CYSLTR2: variants seen among roughly 807,000 people sequenced by gnomAD.
CYSLTR2 encodes the protein cysteinyl leukotriene receptor 2.
For missense variants in CYSLTR2, 398 were observed against 411.9 expected, an observed-to-expected ratio of 0.97 and a Z score of 0.29; for synonymous variants, 179 against 160.8, an observed-to-expected ratio of 1.11 and a Z score of -0.86.
chr13:48,655,317 A>G (rs1952973593), intron 1 of CYSLTR2, among the ~76,000 whole-genome samples: 1 of 152,212 alleles, frequency 6.6e-6, no homozygotes, highest in African/African-American at 2.4e-5. Flanking sequence ...GTTCACTAAC[A>G]CACTGTGGGC....
Position 48,711,047 on chromosome 13 carries a change from T to C in CYSLTR2, c.*3189T>C, listed in dbSNP as rs1315197887. The C allele has an allele frequency of 6.6e-6, 1 of 151,906 alleles. No homozygotes were observed. The highest frequency in any genetic ancestry group is 1.5e-5 in the Non-Finnish European group (1 of 67,992). The allele number at this position is 151,906 out of a possible 1,614,324, so 9.4% of individuals were successfully genotyped here. A position where few individuals can be genotyped will look rare whatever the true frequency, so the allele number is the denominator to read the frequency against. On this transcript the variant is annotated 3_prime_UTR_variant, in exon 5 of 5. Coordinates refer to ENST00000682523, the MANE Select transcript of CYSLTR2 (RefSeq NM_001308476.3). ...GCTGTACAACCATATTATTTAGCAA[T>C]AGGAGGTAAATACAGGTAGAAGCAG...
chr13:48,701,206 G>A (rs1373169028), intron 4 of CYSLTR2, among the ~76,000 whole-genome samples: 1 of 152,196 alleles, frequency 6.6e-6, no homozygotes, highest in Non-Finnish European at 1.5e-5. Flanking sequence ...CAAGGCTGGA[G>A]GCATCATGCT....
intron 4 of CYSLTR2, among the ~76,000 whole-genome samples, chr13:48,699,442 G>A (rs113340085): frequency 6.8e-4 from 103 of 152,298 alleles, no homozygotes; most frequent in African/African-American, 2.4e-3. Flanking sequence ...CAAAATGAAG[G>A]CAGAAATAAA....
At chr13:48,687,496 C>A (rs1033503221) in intron 1 of CYSLTR2, among the ~76,000 whole-genome samples, 3 of 152,088 alleles carry the variant, frequency 2.0e-5, no homozygotes, top group African/African-American at 4.8e-5. Context: ...TATCAATTAT[C>A]TATAATCTAT....
intron 1 of CYSLTR2, among the ~76,000 whole-genome samples, chr13:48,681,542 T>C (rs1037790831): frequency 6.6e-6 from 1 of 152,246 alleles, no homozygotes; most frequent in Middle Eastern, 3.4e-3. Flanking sequence ...GCTTAAGAGG[T>C]CCTTATTGCT....
intron 1 of CYSLTR2, among the ~76,000 whole-genome samples, chr13:48,666,685 G>A (rs1045033207): frequency 1.3e-5 from 2 of 151,902 alleles, no homozygotes; most frequent in African/African-American, 4.8e-5. Context: ...TGTTGTTGAA[G>A]CTCTCTATTA....
At chr13:48,655,387 G>T (rs981646726) in intron 1 of CYSLTR2, among the ~76,000 whole-genome samples, 1 of 152,192 alleles carries the variant, frequency 6.6e-6, no homozygotes, top group Non-Finnish European at 1.5e-5. Context: ...TGGCTTTCAG[G>T]AGCCACATAG....
chr13:48,689,120 A>G (rs1293719166), intron 1 of CYSLTR2, among the ~76,000 whole-genome samples: 1 of 152,126 alleles, frequency 6.6e-6, no homozygotes. Context: ...TTATTCTCGT[A>G]AATTTGTTTA....
intron 1 of CYSLTR2, among the ~76,000 whole-genome samples, chr13:48,669,964 G>A (rs960216654): frequency 2.6e-5 from 4 of 152,126 alleles, no homozygotes; most frequent in South Asian, 2.1e-4. Flanking sequence ...TTCAATGATC[G>A]CCATTCTAAC....
intron 3 of CYSLTR2, among the ~76,000 whole-genome samples, 153 bp downstream of exon 3, chr13:48,693,663 G>C (rs368171260): frequency 3.3e-5 from 5 of 152,166 alleles, no homozygotes; most frequent in African/African-American, 1.2e-4. Flanking sequence ...AAAAGAGAGG[G>C]AGGAAGGTTT....
rs139186958 is a variant in CYSLTR2 at position 48,667,535 on chromosome 13, T to C, written c.-266+13518T>C. On this transcript the variant is annotated intron_variant, in intron 1 of 4. Transcript: ENST00000682523. ...GCTCAGAACGTCTGCTTGGCTTGCC[T>C]GGGGACATGCCTTCCAGGGGTGCCC... 3.8e-3 allele frequency among the ~76,000 whole-genome samples: 586 copies of C among 152,288 alleles called. 3 individuals carry two copies. Among genetic ancestry groups the C allele is most frequent in the African/African-American group, 0.013 (535 of 41,548 alleles).
intron 4 of CYSLTR2, among the ~76,000 whole-genome samples, chr13:48,703,924 C>A (rs958698810): frequency 6.6e-6 from 1 of 152,030 alleles, no homozygotes; most frequent in African/African-American, 2.4e-5. Context: ...TGGGGATATT[C>A]AAATTATCTA....
chr13:48,668,716 T>C (rs1953335036), intron 1 of CYSLTR2, among the ~76,000 whole-genome samples: 1 of 152,138 alleles, frequency 6.6e-6, no homozygotes, highest in Admixed American at 6.5e-5. Context: ...CATCAACCTG[T>C]CATCTACATT....
intron 1 of CYSLTR2, among the ~76,000 whole-genome samples, chr13:48,658,621 C>A (rs1037797111): frequency 6.6e-6 from 1 of 152,120 alleles, no homozygotes; most frequent in African/African-American, 2.4e-5. Context: ...ACAGCCAAGA[C>A]ATGGAGGGAT....
At chr13:48,684,627 A>C (rs1035543088) in intron 1 of CYSLTR2, among the ~76,000 whole-genome samples, 100 of 152,152 alleles carry the variant, frequency 6.6e-4, no homozygotes, top group African/African-American at 2.4e-3. Context: ...CTCTCATATA[A>C]TACAACAACT....
chr13:48,658,339 C>G (rs1054317465), intron 1 of CYSLTR2, among the ~76,000 whole-genome samples: 1 of 152,184 alleles, frequency 6.6e-6, no homozygotes, highest in Non-Finnish European at 1.5e-5. Context: ...AACACATTAA[C>G]ATCATTTCAT....
In CYSLTR2 at chr13:48,671,480, G is replaced by A. The variant is rs546277561; in HGVS notation, c.-266+17463G>A. On this transcript the variant is annotated intron_variant, in intron 1 of 4. Coordinates refer to ENST00000682523, the MANE Select transcript of CYSLTR2 (RefSeq NM_001308476.3). ...ACATCTAGTTTATTGAGTGCTTTTA[G>A]CATGAAAGGGTGTTGAATTTTATCA... Among the ~76,000 whole-genome samples the A allele has an allele frequency of 4.6e-5, 7 of 152,274 alleles. No homozygotes were observed. In the South Asian group the frequency reaches 1.5e-3, roughly 32 times the overall value.
chr13:48,702,698 A>G (rs1344525564), intron 4 of CYSLTR2, among the ~76,000 whole-genome samples: 1 of 152,206 alleles, frequency 6.6e-6, no homozygotes, highest in African/African-American at 2.4e-5. Context: ...TACTTTAACT[A>G]TAAAATAAGT....
chr13:48,677,743 C>T (rs116161340), intron 1 of CYSLTR2, among the ~76,000 whole-genome samples: 42 of 152,284 alleles, frequency 2.8e-4, no homozygotes, highest in African/African-American at 1.0e-3. Context: ...CAAAAGCATC[C>T]TCTCTCCTTC....
Sources: gnomAD v4.1 joint callset for allele counts (sites outside exome capture counted in the v4.1 genomes callset) on GRCh38, gnomAD v4.1.1 for gene constraint, MANE v1.5 for transcripts, NCBI Gene and HGNC (gene_info 2026-07-23, HGNC 2026-07-21) for gene names.